ATP8B4: variants seen among roughly 807,000 people sequenced by gnomAD.
ATP8B4 encodes the protein probable phospholipid-transporting ATPase IM.
A neutral mutation model predicts 145.6 loss-of-function variants in ATP8B4; 133 were observed. The observed-to-expected ratio is 0.91, with a 90% CI of 0.79 to 1.05. The LOEUF (loss-of-function observed/expected upper bound fraction) is 1.05, where lower values mean the gene tolerates loss of function less well. ATP8B4 is among the 50% of genes least tolerant of loss of function. The pLI is 0.00. For missense variants in ATP8B4, 1,458 were observed against 1,425.2 expected, an observed-to-expected ratio of 1.02 and a Z score of -0.37; for synonymous variants, 507 against 492.9, an observed-to-expected ratio of 1.03 and a Z score of -0.38.
intron 1 of ATP8B4, among the ~76,000 whole-genome samples, chr15:50,114,003 T>C (rs2057074766): frequency 6.6e-6 from 1 of 151,460 alleles, no homozygotes; most frequent in Non-Finnish European, 1.5e-5. Flanking sequence ...AGTCTCTTTA[T>C]ATTCTAGTCA....
intron 25 of ATP8B4, among the ~76,000 whole-genome samples, chr15:49,867,526 C>T (rs1293263750): frequency 6.6e-6 from 1 of 152,198 alleles, no homozygotes; most frequent in Non-Finnish European, 1.5e-5. Flanking sequence ...TGCCCGCTTT[C>T]CAGTTCATTT....
chr15:50,026,658 T>C (rs764340973), intron 6 of ATP8B4, among the ~76,000 whole-genome samples: 2 of 152,246 alleles, frequency 1.3e-5, no homozygotes, highest in Admixed American at 6.5e-5. Flanking sequence ...CTTTGTTTCA[T>C]AGATGAGAAA....
chr15:50,099,040 C>T (rs2056175631), intron 2 of ATP8B4, among the ~76,000 whole-genome samples: 1 of 152,170 alleles, frequency 6.6e-6, no homozygotes. Flanking sequence ...AAGACATACA[C>T]AGCCCCGGTC....
intron 1 of ATP8B4, among the ~76,000 whole-genome samples, chr15:50,180,675 A>G (rs2044832720): frequency 6.6e-6 from 1 of 152,178 alleles, no homozygotes; most frequent in Non-Finnish European, 1.5e-5. Context: ...AGAAGTGCAC[A>G]TGAGAATGGT....
At chr15:49,886,358 G>T (rs568610401) in intron 23 of ATP8B4, among the ~76,000 whole-genome samples, 1 of 152,258 alleles carries the variant, frequency 6.6e-6, no homozygotes, top group African/African-American at 2.4e-5. Context: ...GACAGCACCT[G>T]AAAGACACTG....
At chr15:49,962,875 A>T (rs12914627) in intron 13 of ATP8B4, among the ~76,000 whole-genome samples, 138,408 of 152,206 alleles carry the variant, frequency 0.91, 63,147 homozygotes, top group African/African-American at 0.97. Flanking sequence ...TTAATTTTTT[A>T]AATTTTTACT....
chr15:50,101,476 GC>G (rs2056349333), intron 2 of ATP8B4, among the ~76,000 whole-genome samples: 1 of 151,926 alleles, frequency 6.6e-6, no homozygotes, highest in South Asian at 2.1e-4. Context: ...TAAAGCAACA[GC>G]AGTTAAAAAA....
chr15:50,075,666 T>C (rs2153637072), intron 2 of ATP8B4, among the ~76,000 whole-genome samples: 1 of 152,276 alleles, frequency 6.6e-6, no homozygotes, highest in Admixed American at 6.5e-5. Flanking sequence ...TCCTAACCTA[T>C]AACTTTGAAA....
At chr15:49,861,532 C>G (rs2031814476) in intron 27 of ATP8B4, among the ~76,000 whole-genome samples, 1 of 151,934 alleles carries the variant, frequency 6.6e-6, no homozygotes. Context: ...CTGGCCTGGT[C>G]CCACTCACCA....
At chr15:50,154,234 T>C (rs1355993176) in intron 1 of ATP8B4, among the ~76,000 whole-genome samples, 4 of 152,190 alleles carry the variant, frequency 2.6e-5, no homozygotes, top group South Asian at 2.1e-4. Context: ...ATTCTTTTTA[T>C]ATAAAATTAT....
At chr15:50,175,027 A>G (rs980051753) in intron 1 of ATP8B4, among the ~76,000 whole-genome samples, 2 of 152,334 alleles carry the variant, frequency 1.3e-5, no homozygotes, top group Non-Finnish European at 2.9e-5. Context: ...CAAAGCAAAC[A>G]AAAACATAAA....
chr15:49,981,257 T>C lies in ATP8B4; in HGVS notation c.786A>G (p.Thr262=). The C allele has an allele frequency of 6.2e-7, 1 of 1,610,528 alleles. No individual in the cohort carries two copies. Among genetic ancestry groups the C allele is most frequent in the Non-Finnish European group, 8.5e-7 (1 of 1,178,874 alleles). Residue 262 remains threonine (T), a synonymous_variant, in exon 11 of 28, where the codon ACA becomes ACG. Transcript: ENST00000284509. The part of the protein sequence containing the change: ...DTKLMQNSGK[T]KFKRTSIDRL... ...TATCAATGCTTGTCCTTTTAAACTT[T>C]GTCTTACCACTATTCTGCATTAGTT...
At chr15:50,105,140 T>C (rs1236092640) in intron 2 of ATP8B4, among the ~76,000 whole-genome samples, 1 of 151,334 alleles carries the variant, frequency 6.6e-6, no homozygotes, top group Non-Finnish European at 1.5e-5. Context: ...AGACTACAAA[T>C]TGGGAACAGT....
At chr15:49,944,523 A>G (rs902205601) in intron 14 of ATP8B4, among the ~76,000 whole-genome samples, 2 of 152,200 alleles carry the variant, frequency 1.3e-5, no homozygotes, top group Non-Finnish European at 2.9e-5. Flanking sequence ...TGTAGCAATT[A>G]TAAGTCTACA....
At chr15:50,109,107 T>C (rs1181885746) in intron 1 of ATP8B4, among the ~76,000 whole-genome samples, 1 of 152,134 alleles carries the variant, frequency 6.6e-6, no homozygotes, top group Non-Finnish European at 1.5e-5. Context: ...CCTATCTTCC[T>C]ACACACCCTT....
chr15:50,113,882 G>A (rs1021263015), intron 1 of ATP8B4, among the ~76,000 whole-genome samples: 13 of 147,296 alleles, frequency 8.8e-5, no homozygotes, highest in African/African-American at 3.3e-4. Flanking sequence ...TTTATAAATG[G>A]CTTGCAACTA....
chr15:50,163,928 A>G (rs1052915145), intron 1 of ATP8B4, among the ~76,000 whole-genome samples: 2 of 152,124 alleles, frequency 1.3e-5, no homozygotes, highest in African/African-American at 4.8e-5. Flanking sequence ...AGGCTCATGG[A>G]AAGTACTGCC....
At chr15:49,924,173 T>C (rs1286524040) in intron 16 of ATP8B4, among the ~76,000 whole-genome samples, 1 of 152,156 alleles carries the variant, frequency 6.6e-6, no homozygotes, top group Non-Finnish European at 1.5e-5. Context: ...CAGCCCTTCC[T>C]AGGCTACCCT....
At chr15:49,916,410 T>G (rs188852525) in intron 20 of ATP8B4, among the ~76,000 whole-genome samples, 1 of 152,174 alleles carries the variant, frequency 6.6e-6, no homozygotes, top group African/African-American at 2.4e-5. Flanking sequence ...CATCAAAATA[T>G]CTACTTTCTT....
Sources: gnomAD v4.1 joint callset for allele counts (sites outside exome capture counted in the v4.1 genomes callset) on GRCh38, gnomAD v4.1.1 for gene constraint, MANE v1.5 for transcripts, NCBI Gene and HGNC (gene_info 2026-07-23, HGNC 2026-07-21) for gene names.